Variants in ACOXL observed in about 807,000 individuals in gnomAD.
ACOXL encodes acyl-CoA oxidase like.
In ACOXL, 70 loss-of-function variants were observed where a neutral mutation model predicts 71.9. The ratio of observed to expected loss-of-function variants is 0.97; its 90% CI spans 0.80 to 1.19. The LOEUF is 1.19. Among genes scored for constraint, ACOXL ranks in the 50% most tolerant of loss-of-function variants. The pLI, the probability that ACOXL is intolerant of heterozygous loss-of-function variation, is 0.00. For synonymous variants in ACOXL, 253 were observed against 281.6 expected (o/e 0.90, Z 1.02); for missense variants, 703 against 736.3 (o/e 0.95, Z 0.52).
intron 16 of ACOXL, among the ~76,000 whole-genome samples, chr2:111,056,804 A>AG (rs2066565155): frequency 6.6e-6 from 1 of 151,822 alleles, no homozygotes; most frequent in East Asian, 1.9e-4. Flanking sequence ...AAAAAAAAAA[A>AG]AAAATTTCAT....
chr2:110,813,009 A>G (rs1028211336), intron 9 of ACOXL, among the ~76,000 whole-genome samples: 17 of 152,336 alleles, frequency 1.1e-4, no homozygotes, highest in Non-Finnish European at 2.2e-4. Context: ...GTCAGAGTCC[A>G]GTACATGTCC....
chr2:111,111,289 G>A (rs1017145954), intron 17 of ACOXL, among the ~76,000 whole-genome samples: 6 of 151,550 alleles, frequency 4.0e-5, no homozygotes, highest in African/African-American at 1.5e-4. Flanking sequence ...TTGTAGAGAT[G>A]GGGTTTCACC....
intron 1 of ACOXL, among the ~76,000 whole-genome samples, chr2:110,733,441 A>G (rs1180453423): frequency 6.6e-6 from 1 of 152,198 alleles, no homozygotes; most frequent in Non-Finnish European, 1.5e-5. Flanking sequence ...AGTCAGGACC[A>G]GAACTCGGCA....
intron 3 of ACOXL, among the ~76,000 whole-genome samples, chr2:110,793,076 C>T (rs944352689): frequency 1.3e-5 from 2 of 152,186 alleles, no homozygotes; most frequent in Non-Finnish European, 2.9e-5. Flanking sequence ...AATGGGTACT[C>T]TCACCATTCA....
At chr2:110,781,588 G>A (rs1473665294) in intron 2 of ACOXL, among the ~76,000 whole-genome samples, 1 of 151,908 alleles carries the variant, frequency 6.6e-6, no homozygotes, top group Admixed American at 6.6e-5. Flanking sequence ...GTTGCAGTGA[G>A]CCGAGATCGC....
intron 1 of ACOXL, among the ~76,000 whole-genome samples, chr2:110,744,258 C>G (rs1363538029): frequency 6.6e-6 from 1 of 152,214 alleles, no homozygotes; most frequent in African/African-American, 2.4e-5. Context: ...TCAAGGTGCT[C>G]TGGGCCCAAG....
At chr2:111,007,280 A>G (rs2063923262) in intron 14 of ACOXL, among the ~76,000 whole-genome samples, 2 of 152,156 alleles carry the variant, frequency 1.3e-5, no homozygotes, top group Non-Finnish European at 2.9e-5. Flanking sequence ...ACTTTCACCT[A>G]TTATTTTTAG....
At chr2:111,040,073 G>C (rs1192162012) in intron 15 of ACOXL, among the ~76,000 whole-genome samples, 2 of 152,190 alleles carry the variant, frequency 1.3e-5, no homozygotes, top group African/African-American at 4.8e-5. Context: ...TGGGCATGCA[G>C]TTGAGTTTTT....
intron 10 of ACOXL, among the ~76,000 whole-genome samples, chr2:110,852,725 T>A (rs570613780): frequency 2.8e-4 from 42 of 152,300 alleles, no homozygotes; most frequent in African/African-American, 1.0e-3. Context: ...GAAGGAGTTG[T>A]GATGAGGCAG....
At chr2:110,920,738 G>A (rs1415334905) in intron 11 of ACOXL, among the ~76,000 whole-genome samples, 1 of 151,902 alleles carries the variant, frequency 6.6e-6, no homozygotes. Context: ...GATAGATGAT[G>A]TTTTTCTTGG....
At chr2:111,106,347 C>T (rs1029335175) in intron 17 of ACOXL, among the ~76,000 whole-genome samples, 5 of 152,064 alleles carry the variant, frequency 3.3e-5, no homozygotes, top group Non-Finnish European at 7.4e-5. Flanking sequence ...CTTTTCAGTT[C>T]TATAATTTCT....
intron 10 of ACOXL, chr2:110,887,968 C>A (rs951741325): frequency 6.6e-6 from 1 of 152,186 alleles, no homozygotes; most frequent in African/African-American, 2.4e-5. Context: ...AAGAAAAAGA[C>A]AATTATTTGA....
At chr2:110,988,235 C>A (rs950907606) in intron 13 of ACOXL, among the ~76,000 whole-genome samples, 1 of 152,216 alleles carries the variant, frequency 6.6e-6, no homozygotes, top group African/African-American at 2.4e-5. Flanking sequence ...CCCAGGAGTT[C>A]GAGACCAGCC....
intron 12 of ACOXL, among the ~76,000 whole-genome samples, chr2:110,957,936 T>G (rs2061560219): frequency 6.6e-6 from 1 of 150,716 alleles, no homozygotes; most frequent in Non-Finnish European, 1.5e-5. Flanking sequence ...CGGGCGACTG[T>G]AATCCCAGCT....
chr2:110,869,158 G>A (rs1173768084), intron 10 of ACOXL, among the ~76,000 whole-genome samples: 3 of 152,272 alleles, frequency 2.0e-5, no homozygotes, highest in Admixed American at 6.5e-5. Flanking sequence ...CATGGCCGAT[G>A]TCACACAGCT....
chr2:110,778,881 A>C (rs1175491753), intron 2 of ACOXL, among the ~76,000 whole-genome samples: 3 of 152,236 alleles, frequency 2.0e-5, no homozygotes, highest in Admixed American at 2.0e-4. Flanking sequence ...CATTAAAATG[A>C]ATGTAGAATG....
chr2:110,781,442 C>A (rs1683320372), intron 2 of ACOXL, among the ~76,000 whole-genome samples: 1 of 151,790 alleles, frequency 6.6e-6, no homozygotes, highest in Non-Finnish European at 1.5e-5. Context: ...GAGTTTGAGA[C>A]CAGACTGGCC....
intron 14 of ACOXL, among the ~76,000 whole-genome samples, chr2:111,027,086 G>A (rs1190029190): frequency 7.9e-5 from 12 of 151,732 alleles, no homozygotes; most frequent in Admixed American, 2.0e-4. Flanking sequence ...TTGTAGAGAC[G>A]GGGTTTCACC....
chr2:110,924,351 T>G (rs2060192495), intron 11 of ACOXL, among the ~76,000 whole-genome samples: 2 of 152,210 alleles, frequency 1.3e-5, no homozygotes, highest in African/African-American at 4.8e-5. Context: ...CTTCCTTTCA[T>G]GAAACATTTT....
Sources: gnomAD v4.1 joint callset for allele counts (sites outside exome capture counted in the v4.1 genomes callset) on GRCh38, gnomAD v4.1.1 for gene constraint, MANE v1.5 for transcripts, NCBI Gene and HGNC (gene_info 2026-07-23, HGNC 2026-07-21) for gene names.